RTN1: variants seen among roughly 807,000 people sequenced by gnomAD.
RTN1 encodes reticulon 1.
RTN1 carries 25 observed loss-of-function variants against 65.5 expected under a neutral mutation model. The ratio of observed to expected loss-of-function variants is 0.38; its 90% CI spans 0.28 to 0.53. The LOEUF (loss-of-function observed/expected upper bound fraction) is 0.53, where lower values mean the gene tolerates loss of function less well. RTN1 is among the 20% of genes least tolerant of loss of function. RTN1 has a pLI of 0.79. For missense variants in RTN1, 983 were observed against 1,025.4 expected (o/e 0.96, Z 0.57); for synonymous variants, 471 against 447.6 (o/e 1.05, Z -0.66).
Position 59,756,582 on chromosome 14 carries a change from C to T in RTN1, c.242-10101G>A, listed in dbSNP as rs74826876. Among the ~76,000 whole-genome samples, 505 of 152,138 alleles carry T rather than the reference C, an allele frequency of 3.3e-3. 20 individuals carry two copies. In the East Asian group the frequency reaches 0.055, roughly 17 times the overall value. On this transcript the variant is annotated intron_variant, in intron 1 of 8. Coordinates refer to ENST00000267484, the MANE Select transcript of RTN1 (RefSeq NM_021136.3). The stretch of plus-strand genomic sequence containing the variant: ...TTTCCTTTACTATGTAAATAATTAC[C>T]TTTGGAATAAAAACAAGGGCTATCC...
At chr14:59,830,966 TGTAA>T (rs1462826830) in intron 1 of RTN1, among the ~76,000 whole-genome samples, 1 of 152,206 alleles carries the variant, frequency 6.6e-6, no homozygotes, top group African/African-American at 2.4e-5. Context: ...CATGAAAAGA[TGTAA>T]GTATGTTTTA....
At chr14:59,605,250 ACT>A in intron 5 of RTN1, 116 bp downstream of exon 5, 1 of 1,073,846 alleles carries the variant, frequency 9.3e-7, no homozygotes, top group Admixed American at 2.5e-5. Context: ...AGGTCTTCTG[ACT>A]CTAGAATATA....
rs144108020 is a variant in RTN1 at position 59,739,879 on chromosome 14, T to G, written c.1015+5829A>C. On this transcript the variant is annotated intron_variant, in intron 2 of 8. Coordinates refer to ENST00000267484, the MANE Select transcript of RTN1 (RefSeq NM_021136.3). Reference sequence around the variant, plus strand: ...AGGCACACATCCTTCCGGTTTCACATGCAGAAGCCTCTGTCTAACCACCCA... The same window carrying G: ...AGGCACACATCCTTCCGGTTTCACAGGCAGAAGCCTCTGTCTAACCACCCA... Among the ~76,000 whole-genome samples the G allele has an allele frequency of 9.3e-3, 1,413 of 152,270 alleles. 9 individuals carry two copies. The highest frequency in any genetic ancestry group is 0.015 in the Non-Finnish European group (997 of 68,012).
chr14:59,608,722 C>T (rs1881845450), intron 3 of RTN1, among the ~76,000 whole-genome samples: 1 of 152,132 alleles, frequency 6.6e-6, no homozygotes, highest in Admixed American at 6.5e-5. Context: ...CCATCAGGGA[C>T]ATTAACTCAG....
chr14:59,654,557 T>C (rs890283406), intron 3 of RTN1, among the ~76,000 whole-genome samples: 1 of 150,862 alleles, frequency 6.6e-6, no homozygotes, highest in Non-Finnish European at 1.5e-5. Flanking sequence ...ATATCTCTTA[T>C]GAATATAGAT....
intron 3 of RTN1, among the ~76,000 whole-genome samples, chr14:59,640,004 G>T (rs1882743695): frequency 6.6e-6 from 1 of 152,028 alleles, no homozygotes; most frequent in South Asian, 2.1e-4. Context: ...CTTGCAATAT[G>T]CTTGTACATC....
At chr14:59,698,352 T>G (rs4243617) in intron 3 of RTN1, among the ~76,000 whole-genome samples, 95,894 of 151,978 alleles carry the variant, frequency 0.63, 30,435 homozygotes, top group South Asian at 0.72. Flanking sequence ...TATGTTCAAT[T>G]GGAAGGAACA....
At chr14:59,679,483 C>T (rs777938077) in intron 3 of RTN1, among the ~76,000 whole-genome samples, 1 of 152,128 alleles carries the variant, frequency 6.6e-6, no homozygotes, top group East Asian at 1.9e-4. Flanking sequence ...CCTTAATTTC[C>T]CCAACTGTGG....
intron 1 of RTN1, among the ~76,000 whole-genome samples, chr14:59,848,374 C>T (rs1384525387): frequency 6.6e-6 from 1 of 152,060 alleles, no homozygotes; most frequent in African/African-American, 2.4e-5. Flanking sequence ...GACATTCATC[C>T]AATTAATTTT....
At chr14:59,772,310 A>AT (rs1283730286) in intron 1 of RTN1, among the ~76,000 whole-genome samples, 3 of 151,992 alleles carry the variant, frequency 2.0e-5, no homozygotes, top group African/African-American at 7.3e-5. Context: ...TCTCCCATAG[A>AT]TTTTTTTTCT....
chr14:59,731,832 T>C (rs1884903776), intron 2 of RTN1, among the ~76,000 whole-genome samples: 1 of 152,188 alleles, frequency 6.6e-6, no homozygotes, highest in African/African-American at 2.4e-5. Flanking sequence ...TATGAAATGT[T>C]GGTCTCCCCC....
intron 3 of RTN1, among the ~76,000 whole-genome samples, chr14:59,717,001 AAAG>A (rs1566696514): frequency 2.0e-5 from 3 of 151,904 alleles, no homozygotes; most frequent in African/African-American, 4.8e-5. Context: ...AAAAAAAAAA[AAAG>A]AAGTAGAGGT....
chr14:59,636,463 G>A (rs915736925), intron 3 of RTN1, among the ~76,000 whole-genome samples: 2 of 152,140 alleles, frequency 1.3e-5, no homozygotes, highest in Non-Finnish European at 2.9e-5. Flanking sequence ...GCAGATGTTC[G>A]TGGCATACTT....
intron 3 of RTN1, among the ~76,000 whole-genome samples, chr14:59,632,157 A>G (rs1370014566): frequency 3.3e-5 from 5 of 152,208 alleles, no homozygotes; most frequent in Admixed American, 3.3e-4. Context: ...TCTTTGTAAC[A>G]TATCTGAAAT....
At position 59,596,563 on chromosome 14, in the gene RTN1, G is replaced by T; in HGVS notation, c.*182C>A. The T allele has an allele frequency of 1.8e-6, 1 of 545,366 alleles. No homozygotes were observed. Among genetic ancestry groups the T allele is most frequent in the Non-Finnish European group, 3.3e-6 (1 of 300,150 alleles). The allele number at this position is 545,366 out of a possible 1,614,324, so 33.8% of individuals were successfully genotyped here. A position where few individuals can be genotyped will look rare whatever the true frequency, so the allele number is the denominator to read the frequency against. ...CTCTATACTTTAGTGGTTGACACAA[G>T]TGACTCAAATATCCTAAGAGTACAA... On this transcript the variant is annotated 3_prime_UTR_variant, in exon 9 of 9. Coordinates refer to ENST00000267484, the MANE Select transcript of RTN1 (RefSeq NM_021136.3).
At position 59,870,613 on chromosome 14, in the gene RTN1, A is replaced by C; in HGVS notation, c.18T>G (p.Asp6Glu). The C allele has an allele frequency of 2.1e-6, 3 of 1,425,194 alleles. No individual in the cohort carries two copies. Among genetic ancestry groups the C allele is most frequent in the East Asian group, 3.1e-5 (1 of 32,180 alleles). The allele number at this position is 1,425,194 out of a possible 1,614,324, so 88.3% of individuals were successfully genotyped here. ...CCAGCGGCAGCAGCTCGTCCTGCGG[A>C]TCCCCCGGCGCGGCCATGGCTGGCG... MAAPGDPQDELLPLAG... is the reference protein window; with the variant it reads MAAPGEPQDELLPLAG... The change falls in exon 1 of 9, where the codon GAT becomes GAG. Residue 6 changes from aspartate (D) to glutamate (E), a missense_variant. Transcript: ENST00000267484. This position sits in a 1 kb window ranked among gnomAD's most constrained non-coding sequence, Gnocchi z 5.1.
chr14:59,700,118 A>G (rs1405732387), intron 3 of RTN1, among the ~76,000 whole-genome samples: 1 of 152,194 alleles, frequency 6.6e-6, no homozygotes, highest in Non-Finnish European at 1.5e-5. Context: ...TTTTAAAAAA[A>G]CAGGTGGTGG....
chr14:59,749,348 CTA>C lies in RTN1; in HGVS notation c.242-2869_242-2868del, dbSNP rs1386169097. 8.4e-4 allele frequency among the ~76,000 whole-genome samples: 28 copies of C among 33,492 alleles called. 5 individuals are homozygous for C. The highest frequency in any genetic ancestry group is 5.8e-3 in the African/African-American group (24 of 4,118). The allele number at this position is 33,492 out of a possible 152,430, so 22.0% of individuals were successfully genotyped here. A position where few individuals can be genotyped will look rare whatever the true frequency, so the allele number is the denominator to read the frequency against. The stretch of plus-strand genomic sequence containing the variant: ...TATATCTATATATATCTATATATAT[CTA>C]TATATATCTATATATATATCTATAT... On this transcript the variant is annotated intron_variant, in intron 1 of 8. Coordinates refer to ENST00000267484, the MANE Select transcript of RTN1 (RefSeq NM_021136.3).
chr14:59,637,790 G>A (rs1482095149), intron 3 of RTN1, among the ~76,000 whole-genome samples: 1 of 151,730 alleles, frequency 6.6e-6, no homozygotes, highest in African/African-American at 2.4e-5. Context: ...AATCACAAAT[G>A]TTCTTAATGA....
Sources: allele counts gnomAD v4.1 joint callset (sites outside exome capture counted in the v4.1 genomes callset), GRCh38; gene constraint gnomAD v4.1.1; non-coding constraint Gnocchi (gnomAD v3.1); transcripts MANE v1.5; gene names NCBI Gene and HGNC (gene_info 2026-07-23, HGNC 2026-07-21).